MCC: variants seen among roughly 807,000 people sequenced by gnomAD.
MCC encodes MCC regulator of Wnt signaling pathway, also known as colorectal mutant cancer protein.
In MCC, 90 loss-of-function variants were observed where a neutral mutation model predicts 116.2. The ratio of observed to expected loss-of-function variants is 0.77; its 90% CI spans 0.65 to 0.92. The LOEUF (loss-of-function observed/expected upper bound fraction) is 0.92, where lower values mean the gene tolerates loss of function less well. Ranked by LOEUF, MCC falls within the 40% of genes least tolerant of loss-of-function variation. The probability of loss-of-function intolerance (pLI) is 0.00; values close to 1 mark genes in which losing one functional copy is unlikely to be tolerated. For missense variants in MCC, 1,516 were observed against 1,312.2 expected (o/e 1.16, Z -2.40); for synonymous variants, 578 against 510.5 (o/e 1.13, Z -1.78).
intron 5 of MCC, among the ~76,000 whole-genome samples, chr5:113,129,049 A>G (rs1758267373): frequency 6.6e-6 from 1 of 152,134 alleles, no homozygotes; most frequent in African/African-American, 2.4e-5. Context: ...AGACTCTGGG[A>G]TGTTTTCTCT....
intron 3 of MCC, among the ~76,000 whole-genome samples, chr5:113,271,754 G>C (rs114741312): frequency 0.012 from 1,777 of 152,294 alleles, 17 homozygotes; most frequent in Non-Finnish European, 0.013. Context: ...AGGGGAGTAG[G>C]TTCCTCAGAA....
At chr5:113,433,219 A>C in intron 1 of MCC, 1 of 176,496 alleles carries the variant, frequency 5.7e-6, no homozygotes. Flanking sequence ...CCCGTGGCCC[A>C]GCCGAAGCTC....
At chr5:113,287,333 A>G (rs1766302973) in intron 3 of MCC, among the ~76,000 whole-genome samples, 1 of 151,960 alleles carries the variant, frequency 6.6e-6, no homozygotes, top group Non-Finnish European at 1.5e-5. Flanking sequence ...CTTCATCAAC[A>G]ACTTCTTTTT....
chr5:113,381,320 T>G (rs1435967197), intron 2 of MCC, among the ~76,000 whole-genome samples: 11 of 152,156 alleles, frequency 7.2e-5, no homozygotes. Flanking sequence ...CTAGTAAGCC[T>G]GGGAGAAAAA....
rs1015748746 is a variant in MCC, at chr5:113,443,727, G to A, written c.170+44518C>T. Among the ~76,000 whole-genome samples the A allele has an allele frequency of 6.6e-5, 10 of 152,248 alleles. No individual in the cohort carries two copies. In the South Asian group the frequency reaches 8.3e-4, roughly 13 times the overall value. On this transcript the variant is annotated intron_variant, in intron 1 of 18. Coordinates refer to ENST00000408903, the MANE Select transcript of MCC (RefSeq NM_001085377.2). ...TGAAGGGGTGTTGAATTTTATCGAA[G>A]GCCTTTTCTGTATCTCTTGAGATAA...
At chr5:113,427,738 T>G (rs1770522120) in intron 1 of MCC, among the ~76,000 whole-genome samples, 1 of 152,224 alleles carries the variant, frequency 6.6e-6, no homozygotes, top group South Asian at 2.1e-4. Context: ...CATTATTAAA[T>G]TTAAGAATTT....
At position 113,192,540 on chromosome 5, in the gene MCC, G is replaced by C. The variant is rs146143892; in HGVS notation, c.628-41118C>G. 1.6e-3 allele frequency among the ~76,000 whole-genome samples: 240 copies of C among 152,324 alleles called. 1 individual carries two copies. Among genetic ancestry groups the C allele is most frequent in the Non-Finnish European group, 2.8e-3 (191 of 68,016 alleles). ...GTATATGTGGATTAAAGACACACAT[G>C]CATGGGCTTTGGATCGGGTGTGCCA... On this transcript the variant is annotated intron_variant, in intron 3 of 18. Transcript: ENST00000408903.
intron 1 of MCC, among the ~76,000 whole-genome samples, chr5:113,478,676 G>C (rs926145055): frequency 6.6e-6 from 1 of 152,184 alleles, no homozygotes; most frequent in African/African-American, 2.4e-5. Context: ...CAGAGATATG[G>C]AAAGAGTAAA....
chr5:113,442,508 T>C (rs1771071300), intron 1 of MCC, among the ~76,000 whole-genome samples: 1 of 152,202 alleles, frequency 6.6e-6, no homozygotes, highest in South Asian at 2.1e-4. Flanking sequence ...TTTAATTAGA[T>C]CCCATTTGTC....
chr5:113,122,494 A>G (rs1007885675), intron 6 of MCC, among the ~76,000 whole-genome samples, 190 bp downstream of exon 6: 2 of 152,262 alleles, frequency 1.3e-5, no homozygotes, highest in Admixed American at 1.3e-4. Flanking sequence ...CAATTGTATC[A>G]GAGCAGAAAG....
intron 1 of MCC, among the ~76,000 whole-genome samples, chr5:113,485,460 T>C (rs1479693989): frequency 2.0e-5 from 3 of 152,200 alleles, no homozygotes; most frequent in East Asian, 3.9e-4. Flanking sequence ...GAAGTAGGCA[T>C]GGTTAAGTGA....
chr5:113,421,376 A>T (rs1770329446), intron 1 of MCC, among the ~76,000 whole-genome samples: 1 of 152,148 alleles, frequency 6.6e-6, no homozygotes. Flanking sequence ...TTTTCCTGGA[A>T]TAATTATTTC....
chr5:113,488,216 T>C (rs754196234), intron 1 of MCC, 29 bp downstream of exon 1: 2 of 1,580,960 alleles, frequency 1.3e-6, no homozygotes, highest in South Asian at 2.2e-5. Flanking sequence ...ATCTCGCTCC[T>C]GTCGGTTTCC....
chr5:113,127,536 T>G (rs1251397533), intron 5 of MCC, among the ~76,000 whole-genome samples: 1 of 152,254 alleles, frequency 6.6e-6, no homozygotes, highest in Non-Finnish European at 1.5e-5. Context: ...TTTTTAATAG[T>G]AGCCATTCTG....
rs111605039 is a variant in MCC, at chr5:113,244,929, A to G, written c.628-93507T>C. On this transcript the variant is annotated intron_variant, in intron 3 of 18. Transcript: ENST00000408903. ...TCTCCACTGTTGTTCAGGCAGCAAT[A>G]CTGCCCACAAGTATGAGAAACTTAA... Among the ~76,000 whole-genome samples, 185 of 152,366 alleles carry G rather than the reference A, an allele frequency of 1.2e-3. 1 individual carries two copies. The highest frequency in any genetic ancestry group is 4.3e-3 in the African/African-American group (180 of 41,584).
At chr5:113,104,798 G>T (rs185157041) in intron 6 of MCC, among the ~76,000 whole-genome samples, 1 of 152,358 alleles carries the variant, frequency 6.6e-6, no homozygotes, top group Admixed American at 6.5e-5. Context: ...AACTGTGTAA[G>T]AGATAGTCCT....
intron 3 of MCC, among the ~76,000 whole-genome samples, chr5:113,280,130 A>T (rs562321676): frequency 6.6e-6 from 1 of 152,258 alleles, no homozygotes; most frequent in African/African-American, 2.4e-5. Flanking sequence ...AGATACTCTC[A>T]TGTAATCTGG....
At chr5:113,227,836 C>T (rs140916999) in intron 3 of MCC, among the ~76,000 whole-genome samples, 15 of 152,178 alleles carry the variant, frequency 9.9e-5, no homozygotes, top group East Asian at 7.7e-4. Context: ...TCCATTATTC[C>T]GCATTTTTTA....
chr5:113,256,788 G>C (rs556308220), intron 3 of MCC, among the ~76,000 whole-genome samples: 3 of 152,298 alleles, frequency 2.0e-5, no homozygotes, highest in African/African-American at 7.2e-5. Flanking sequence ...TCAAATCTGA[G>C]AAGAGTCACT....
Sources: allele counts gnomAD v4.1 joint callset (sites outside exome capture counted in the v4.1 genomes callset), GRCh38; gene constraint gnomAD v4.1.1; transcripts MANE v1.5; gene names NCBI Gene and HGNC (gene_info 2026-07-23, HGNC 2026-07-21).